The following MGAM2 variants were observed in gnomAD, a reference collection of about 807,000 sequenced individuals.
MGAM2 encodes the protein maltase-glucoamylase 2 (putative).
Under a neutral mutation model 96.1 loss-of-function variants are expected in MGAM2, and 98 were observed. The ratio of observed to expected loss-of-function variants is 1.02; its 90% CI spans 0.87 to 1.21. The LOEUF (loss-of-function observed/expected upper bound fraction) is 1.21. Among genes scored for constraint, MGAM2 ranks in the 50% most tolerant of loss-of-function variants. The pLI, the probability that MGAM2 is intolerant of heterozygous loss-of-function variation, is 0.00. For synonymous variants in MGAM2, 749 were observed against 414.8 expected, an observed-to-expected ratio of 1.81 and a Z score of -9.79; for missense variants, 2,055 against 1,182.4, an observed-to-expected ratio of 1.74 and a Z score of -10.82.
At chr7:142,132,346 AAT>A (rs1794913780) in intron 6 of MGAM2, among the ~76,000 whole-genome samples, 1 of 145,436 alleles carries the variant, frequency 6.9e-6, no homozygotes, top group South Asian at 2.1e-4. Flanking sequence ...TATGTAATTT[AAT>A]ATAATTTATA....
rs990346505 is a variant in MGAM2, at chr7:142,158,300, C to T, written c.2131C>T (p.Pro711Ser). ...TGTGCATGAGCAGTTCTTATGGGGA[C>T]CTGGACTCCTCATCACGCCTGTTTT... ...WDVHEQFLWG[P>S]GLLITPVLYE... is the part of the protein sequence containing the mutation. Residue 711 changes from proline to serine, a missense_variant, in exon 19 of 48, where the codon CCT becomes TCT. Coordinates refer to ENST00000477922, the MANE Select transcript of MGAM2 (RefSeq NM_001293626.2). 19 of 702,806 alleles carry T rather than the reference C, an allele frequency of 2.7e-5. No individual in the cohort carries two copies. The African/African-American group carries it at 2.8e-4, about 10-fold the overall frequency. 43.5% of individuals were successfully genotyped at this position (702,806 alleles called of 1,614,324 possible).
chr7:142,167,567 A>G, intron 26 of MGAM2, 81 bp downstream of exon 26: 1 of 672,446 alleles, frequency 1.5e-6, no homozygotes, highest in Admixed American at 2.2e-5. Context: ...TCATTGAAAC[A>G]ATTAAAACAT....
chr7:142,189,668 A>G (rs917505589), intron 37 of MGAM2, among the ~76,000 whole-genome samples, 163 bp downstream of exon 37: 1 of 152,264 alleles, frequency 6.6e-6, no homozygotes, highest in Admixed American at 6.5e-5. Flanking sequence ...CGCATTTATC[A>G]AGTGGGTTAC....
chr7:142,146,747 A>G (rs1341213835), intron 14 of MGAM2, among the ~76,000 whole-genome samples: 2 of 145,674 alleles, frequency 1.4e-5, no homozygotes, highest in East Asian at 4.0e-4. Flanking sequence ...TTTTTTTTTG[A>G]GATGTAGTCT....
chr7:142,188,252 T>C (rs1796765001), intron 36 of MGAM2, among the ~76,000 whole-genome samples: 1 of 152,178 alleles, frequency 6.6e-6, no homozygotes, highest in Non-Finnish European at 1.5e-5. Context: ...TTGGTCATTC[T>C]GTGGTACAAA....
At chr7:142,176,109 G>A (rs202126760) in intron 32 of MGAM2, among the ~76,000 whole-genome samples, 32 of 92,428 alleles carry the variant, frequency 3.5e-4, no homozygotes, top group African/African-American at 8.6e-4. Context: ...AAAAAAAAAA[G>A]GGGGGGGCAT....
At chr7:142,153,469 A>G (rs187841951) in intron 15 of MGAM2, among the ~76,000 whole-genome samples, 38 of 152,320 alleles carry the variant, frequency 2.5e-4, no homozygotes, top group Admixed American at 2.0e-3. Flanking sequence ...AAAATTTGCT[A>G]ACATTGAGAA....
rs569414402 is a variant in MGAM2 at position 142,128,350 on chromosome 7, A to G, written c.187-2598A>G. 4.6e-5 allele frequency among the ~76,000 whole-genome samples: 7 copies of G among 152,354 alleles called. No homozygotes were observed. The South Asian group carries it at 1.2e-3, about 27-fold the overall frequency. ...AGAAAATTTGCAGCCTGATGATGCAATAGAAAAGAAAAACCCATTTTCTGA... is the reference window on the plus strand; with the variant it reads ...AGAAAATTTGCAGCCTGATGATGCAGTAGAAAAGAAAAACCCATTTTCTGA... On this transcript the variant is annotated intron_variant, in intron 3 of 47. Coordinates refer to ENST00000477922, the MANE Select transcript of MGAM2 (RefSeq NM_001293626.2).
At chr7:142,154,896 T>C (rs985416187) in intron 17 of MGAM2, 51 bp downstream of exon 17, 15 of 700,332 alleles carry the variant, frequency 2.1e-5, no homozygotes, top group Admixed American at 4.0e-5. Context: ...GCTAATCTAC[T>C]GGCTCTTAAA....
At chr7:142,187,670 C>G in intron 35 of MGAM2, 80 bp from the exon 36 acceptor site, 1 of 651,044 alleles carries the variant, frequency 1.5e-6, no homozygotes, top group Non-Finnish European at 2.8e-6. Flanking sequence ...CAAAAGTCAT[C>G]TCCCTGAGTT....
In MGAM2 at chr7:142,144,851, G is replaced by A; in HGVS notation, c.1432-10G>A. 2.9e-6 allele frequency: 2 copies of A among 697,974 alleles called. No homozygotes were observed. Among genetic ancestry groups the A allele is most frequent in the East Asian group, 2.7e-5 (1 of 36,746 alleles). 43.2% of individuals were successfully genotyped at this position (697,974 alleles called of 1,614,324 possible). ...GCATTTTACACTTTGTGTGTTTTGT[G>A]TCTTTGAAGGAAATGAATGAAGTAT... On this transcript the variant is annotated splice_polypyrimidine_tract_variant and intron_variant, in intron 13 of 47. Coordinates refer to ENST00000477922, the MANE Select transcript of MGAM2 (RefSeq NM_001293626.2).
At chr7:142,145,071 C>G in intron 14 of MGAM2, 126 bp downstream of exon 14, 1 of 602,468 alleles carries the variant, frequency 1.7e-6, no homozygotes. Flanking sequence ...ATCCTGAGCA[C>G]TCCTCTGCCG....
intron 32 of MGAM2, among the ~76,000 whole-genome samples, chr7:142,177,677 C>T (rs1796417807): frequency 6.6e-6 from 1 of 152,134 alleles, no homozygotes; most frequent in Admixed American, 6.5e-5. Flanking sequence ...CAGCTACATC[C>T]ATGTTGCTGC....
chr7:142,137,062 T>C (rs889506838), intron 8 of MGAM2, among the ~76,000 whole-genome samples: 1 of 152,302 alleles, frequency 6.6e-6, no homozygotes, highest in South Asian at 2.1e-4. Flanking sequence ...AATGGTACTC[T>C]CATAAGCATT....
At chr7:142,137,130 C>T (rs1023728139) in intron 8 of MGAM2, among the ~76,000 whole-genome samples, 4 of 151,628 alleles carry the variant, frequency 2.6e-5, no homozygotes, top group Non-Finnish European at 4.4e-5. Context: ...ATTTTTATAA[C>T]GTTTTTTGAG....
Position 142,120,350 on chromosome 7 carries a change from T to C in MGAM2, c.155T>C (p.Ile52Thr), listed in dbSNP as rs1794528607. The C allele has an allele frequency of 2.1e-5, 15 of 703,038 alleles. No individual in the cohort carries two copies. The East Asian group carries it at 4.0e-4, about 19-fold the overall frequency. 43.5% of individuals were successfully genotyped at this position (703,038 alleles called of 1,614,324 possible). ...ECPEIPQSERIDCTPDQEVTE... is the reference protein window; with the variant it reads ...ECPEIPQSERTDCTPDQEVTE... ...CCAGAGATTCCCCAGTCGGAAAGGA[T>C]AGACTGCACACCTGACCAGGAGGTG... The change falls in exon 3 of 48, where the codon ATA (isoleucine) becomes ACA (threonine). Residue 52 changes from isoleucine (I) to threonine (T), a missense_variant. Ile to Thr is a moderately conservative substitution (Grantham distance 89). Transcript: ENST00000477922.
chr7:142,131,112 A>G lies in MGAM2; in HGVS notation c.310+41A>G, dbSNP rs1321072456. 5 of 693,828 alleles carry G rather than the reference A, an allele frequency of 7.2e-6. No individual in the cohort carries two copies. In the East Asian group the frequency reaches 8.1e-5, roughly 11 times the overall value. 43.0% of individuals were successfully genotyped at this position (693,828 alleles called of 1,614,324 possible). On this transcript the variant is annotated intron_variant, in intron 4 of 47. Coordinates refer to ENST00000477922, the MANE Select transcript of MGAM2 (RefSeq NM_001293626.2). The stretch of plus-strand genomic sequence containing the variant: ...ATGTTGCGCCTGGGAACAACTCCTT[A>G]TGGCCCAGATACGTTAACTGCAAAA...
intron 14 of MGAM2, among the ~76,000 whole-genome samples, chr7:142,146,074 T>TA (rs1351024634): frequency 6.6e-6 from 1 of 152,116 alleles, no homozygotes; most frequent in African/African-American, 2.4e-5. Context: ...TTTTTCGACT[T>TA]ACTCTTTGTT....
chr7:142,140,148 G>A (rs1795177966), intron 10 of MGAM2, among the ~76,000 whole-genome samples: 2 of 152,122 alleles, frequency 1.3e-5, no homozygotes. Context: ...AAGAGCATCT[G>A]AAGCCAAAGA....
Sources: allele counts gnomAD v4.1 joint callset (sites outside exome capture counted in the v4.1 genomes callset), GRCh38; gene constraint gnomAD v4.1.1; transcripts MANE v1.5; gene names NCBI Gene and HGNC (gene_info 2026-07-23, HGNC 2026-07-21).